CLEC1B: variants seen among roughly 807,000 people sequenced by gnomAD.
The protein encoded by CLEC1B is C-type lectin domain family 1 member B.
CLEC1B carries 26 observed loss-of-function variants against 26.7 expected under a neutral mutation model. The observed-to-expected ratio is 0.97, with a 90% CI of 0.71 to 1.35. The LOEUF is 1.35. Ranked by LOEUF, CLEC1B falls within the 40% of genes most tolerant of loss-of-function variation. The pLI, the probability that CLEC1B is intolerant of heterozygous loss-of-function variation, is 0.00. For synonymous variants in CLEC1B, 112 were observed against 96.0 expected (o/e 1.17, Z -0.97); for missense variants, 293 against 282.6 (o/e 1.04, Z -0.26).
upstream of CLEC1B, among the ~76,000 whole-genome samples, chr12:10,001,721 C>A (rs2137251783): frequency 2.0e-5 from 3 of 152,286 alleles, no homozygotes; most frequent in Admixed American, 2.0e-4. Context: ...GCTTCTTTTC[C>A]TTTTCCCAAA....
In CLEC1B at chr12:9,995,266, A is replaced by G; in HGVS notation, c.439-20T>C. 1.3e-6 allele frequency: 2 copies of G among 1,587,528 alleles called. No individual in the cohort carries two copies. Among genetic ancestry groups the G allele is most frequent in the Non-Finnish European group, 1.7e-6 (2 of 1,156,496 alleles). On this transcript the variant is annotated intron_variant, in intron 4 of 5. Transcript: ENST00000298527. ...GTACTCCTATTGTAAACATAAATAA[A>G]CACAATGGTCAGAATCCCTCCACAG... is the stretch of plus-strand genomic sequence containing the variant.
At chr12:9,994,796 A>G (rs1864991580) in intron 5 of CLEC1B, among the ~76,000 whole-genome samples, 1 of 151,668 alleles carries the variant, frequency 6.6e-6, no homozygotes, top group Non-Finnish European at 1.5e-5. Context: ...TAATCAGAAC[A>G]AGCAAAACAC....
upstream of CLEC1B, among the ~76,000 whole-genome samples, chr12:9,999,768 A>T (rs1008049539): frequency 6.6e-6 from 1 of 152,168 alleles, no homozygotes; most frequent in Non-Finnish European, 1.5e-5. Flanking sequence ...AATAATACAG[A>T]GTTGGTGACT....
chr12:9,993,646 T>A (rs1864953218), intron 5 of CLEC1B, among the ~76,000 whole-genome samples: 1 of 151,758 alleles, frequency 6.6e-6, no homozygotes, highest in Non-Finnish European at 1.5e-5. Flanking sequence ...TCAGATGAAC[T>A]GACAGGAGAT....
At chr12:9,999,675 T>G (rs1865132444), upstream of CLEC1B, among the ~76,000 whole-genome samples, 1 of 152,152 alleles carries the variant, frequency 6.6e-6, no homozygotes, top group Admixed American at 6.5e-5. Context: ...ATTTCATACT[T>G]TTTTTTATTT....
upstream of CLEC1B, among the ~76,000 whole-genome samples, chr12:10,001,470 C>G (rs974372429): frequency 8.5e-5 from 13 of 152,162 alleles, no homozygotes; most frequent in African/African-American, 3.1e-4. Flanking sequence ...GTCTGAGAGT[C>G]TTATATCTTA....
At chr12:9,995,571 G>A (rs1865023846) in intron 4 of CLEC1B, 1 of 350,958 alleles carries the variant, frequency 2.8e-6, no homozygotes, top group Non-Finnish European at 5.5e-6. Context: ...AGGAATAAAT[G>A]TAAACAGAGA....
At chr12:9,999,820 T>A (rs1156516436), upstream of CLEC1B, among the ~76,000 whole-genome samples, 1 of 152,186 alleles carries the variant, frequency 6.6e-6, no homozygotes, top group Non-Finnish European at 1.5e-5. Context: ...TTAAAGTGAG[T>A]TTCCTGGAAT....
Position 9,993,115 on chromosome 12 carries a change from T to A in CLEC1B, c.*28A>T. On this transcript the variant is annotated 3_prime_UTR_variant, in exon 6 of 6. Coordinates refer to ENST00000298527, the MANE Select transcript of CLEC1B (RefSeq NM_016509.4). ...CTTTTATTGTACAATAAAGCCCTTA[T>A]CTGTGTTATCCTGTCCACCTCTTTG... The A allele has an allele frequency of 6.3e-7, 1 of 1,586,798 alleles. No homozygotes were observed. Among genetic ancestry groups the A allele is most frequent in the Non-Finnish European group, 8.6e-7 (1 of 1,160,498 alleles).
chr12:9,993,419 G>C, intron 5 of CLEC1B, 132 bp from the exon 6 acceptor site: 1 of 658,668 alleles, frequency 1.5e-6, no homozygotes. Context: ...AAAAAAAAAC[G>C]ATTCTCATTG....
upstream of CLEC1B, among the ~76,000 whole-genome samples, chr12:10,000,678 C>T (rs1865148047): frequency 6.6e-6 from 1 of 152,186 alleles, no homozygotes. Flanking sequence ...ACCACTGCTT[C>T]TGTTCTCATA....
chr12:9,995,297 G>T (rs763607837), intron 4 of CLEC1B, 51 bp from the exon 5 acceptor site: 1 of 1,455,186 alleles, frequency 6.9e-7, no homozygotes, highest in Non-Finnish European at 9.6e-7. Context: ...CACAGCTCTT[G>T]GTATGATAGA....
At chr12:9,998,139 A>C in intron 2 of CLEC1B, 143 bp downstream of exon 2, 1 of 656,454 alleles carries the variant, frequency 1.5e-6, no homozygotes, top group Middle Eastern at 4.1e-4. Flanking sequence ...TCCTTTATTG[A>C]GATTCTCTTG....
chr12:9,997,032 T>G, intron 3 of CLEC1B, 32 bp from the exon 4 acceptor site: 1 of 1,612,294 alleles, frequency 6.2e-7, no homozygotes, highest in Non-Finnish European at 8.5e-7. Flanking sequence ...ATGGTGTATT[T>G]TTTCTAAATT....
At chr12:10,000,847 CCT>C (rs779001908), upstream of CLEC1B, among the ~76,000 whole-genome samples, 13 of 152,318 alleles carry the variant, frequency 8.5e-5, no homozygotes, top group South Asian at 1.5e-3. Context: ...CACAGTAACC[CCT>C]GTCTTTCACG....
At chr12:9,998,521 T>C (rs149325605) in intron 1 of CLEC1B, 141 bp from the exon 2 acceptor site, 7 of 541,934 alleles carry the variant, frequency 1.3e-5, no homozygotes, top group South Asian at 7.6e-5. Context: ...ACCTGTGTTC[T>C]CCTCATGATC....
Position 9,996,975 on chromosome 12 carries a change from G to T in CLEC1B, c.309C>A (p.Asp103Glu), listed in dbSNP as rs1195160106. 1 of 1,614,052 alleles carries T rather than the reference G, an allele frequency of 6.2e-7. No homozygotes were observed. The highest frequency in any genetic ancestry group is 1.1e-5 in the South Asian group (1 of 91,068). ...TFKGHKCSPC[D>E]TNWRYYGDSC... ...TATCTCCATAATATCTCCAGTTTGTGTCACAGGGGCTGCATTTATGACCTT... is the reference window on the plus strand; with the variant it reads ...TATCTCCATAATATCTCCAGTTTGTTTCACAGGGGCTGCATTTATGACCTT... Residue 103 changes from aspartate (D) to glutamate (E), a missense_variant, in exon 4 of 6, where the codon GAC becomes GAA. Asp to Glu is a conservative substitution (Grantham distance 45). Coordinates refer to ENST00000298527, the MANE Select transcript of CLEC1B (RefSeq NM_016509.4).
chr12:9,996,516 AGT>A, intron 4 of CLEC1B, among the ~76,000 whole-genome samples: 1 of 149,730 alleles, frequency 6.7e-6, no homozygotes, highest in Non-Finnish European at 1.5e-5. Flanking sequence ...CCACAGAAAC[AGT>A]AAGTGGACAG....
At chr12:9,996,762 T>C in intron 4 of CLEC1B, 84 bp downstream of exon 4, 1 of 1,417,468 alleles carries the variant, frequency 7.1e-7, no homozygotes, top group Non-Finnish European at 9.9e-7. Flanking sequence ...TTAAGAAAAA[T>C]GTAAAAAACA....
Sources: allele counts gnomAD v4.1 joint callset (sites outside exome capture counted in the v4.1 genomes callset), GRCh38; gene constraint gnomAD v4.1.1; transcripts MANE v1.5; gene names NCBI Gene and HGNC (gene_info 2026-07-23, HGNC 2026-07-21).